Variants in CD109 observed in about 807,000 individuals in gnomAD.
CD109 encodes CD109 molecule.
In CD109, 149 loss-of-function variants were observed where a neutral mutation model predicts 165.8. The ratio of observed to expected loss-of-function variants is 0.90; its 90% CI spans 0.79 to 1.03. The LOEUF (loss-of-function observed/expected upper bound fraction) is 1.03, where lower values mean the gene tolerates loss of function less well. Ranked by LOEUF, CD109 falls within the 50% of genes least tolerant of loss-of-function variation. The pLI, the probability that CD109 is intolerant of heterozygous loss-of-function variation, is 0.00. For missense variants in CD109, 1,712 were observed against 1,677.8 expected, an observed-to-expected ratio of 1.02 and a Z score of -0.36; for synonymous variants, 585 against 592.1, an observed-to-expected ratio of 0.99 and a Z score of 0.18.
At chr6:73,773,238 T>A (rs1311663853) in intron 15 of CD109, among the ~76,000 whole-genome samples, 1 of 150,792 alleles carries the variant, frequency 6.6e-6, no homozygotes, top group African/African-American at 2.4e-5. Context: ...AATATATGCA[T>A]ATTTACATTA....
At chr6:73,700,040 T>C (rs1367938931) in intron 2 of CD109, among the ~76,000 whole-genome samples, 1 of 152,184 alleles carries the variant, frequency 6.6e-6, no homozygotes, top group Non-Finnish European at 1.5e-5. Context: ...GATTCATGTT[T>C]TGTTTTTTCT....
intron 18 of CD109, 50 bp downstream of exon 18, chr6:73,782,805 T>C: frequency 6.3e-7 from 1 of 1,579,050 alleles, no homozygotes; most frequent in South Asian, 1.1e-5. Flanking sequence ...TTAGTGTTTG[T>C]TTTAAATAAG....
intron 3 of CD109, among the ~76,000 whole-genome samples, chr6:73,724,056 T>A (rs1180904758): frequency 6.6e-6 from 1 of 152,344 alleles, no homozygotes; most frequent in Non-Finnish European, 1.5e-5. Context: ...ATCAGTAATA[T>A]TGACCCTGTC....
chr6:73,822,444 G>T (rs750552842), intron 32 of CD109, among the ~76,000 whole-genome samples: 2 of 152,184 alleles, frequency 1.3e-5, no homozygotes, highest in Non-Finnish European at 2.9e-5. Context: ...AGTTCCTCTT[G>T]TCTTTTGCCT....
intron 2 of CD109, among the ~76,000 whole-genome samples, chr6:73,709,353 G>C (rs1454662996): frequency 1.3e-5 from 2 of 152,124 alleles, no homozygotes; most frequent in African/African-American, 2.4e-5. Context: ...GTGTTCCATT[G>C]GTCTATATCT....
At chr6:73,710,903 A>C (rs77113243) in intron 2 of CD109, among the ~76,000 whole-genome samples, 8,412 of 152,320 alleles carry the variant, frequency 0.055, 257 homozygotes, top group Middle Eastern at 0.11. Flanking sequence ...TTCATAAACA[A>C]AAGAGCATGG....
At chr6:73,690,437 T>C in the CD109 span, among the ~76,000 whole-genome samples, 1 of 152,240 alleles carries the variant, frequency 6.6e-6, no homozygotes, top group Non-Finnish European at 1.5e-5. Flanking sequence ...GTTTCGCTCT[T>C]GTTGTCCAGG....
chr6:73,781,006 CGT>C (rs1401732639), intron 16 of CD109, among the ~76,000 whole-genome samples: 12 of 112,720 alleles, frequency 1.1e-4, no homozygotes, highest in Non-Finnish European at 1.8e-4. Flanking sequence ...TATGTGTATG[CGT>C]GTGTGTGTGT....
chr6:73,738,340 A>G (rs1395397122), intron 5 of CD109, among the ~76,000 whole-genome samples: 1 of 152,160 alleles, frequency 6.6e-6, no homozygotes, highest in African/African-American at 2.4e-5. Flanking sequence ...AGAATCTTTA[A>G]AGCAAGCCTC....
intron 30 of CD109, among the ~76,000 whole-genome samples, chr6:73,816,520 G>A (rs1324073077): frequency 1.3e-5 from 2 of 152,162 alleles, no homozygotes; most frequent in African/African-American, 4.8e-5. Flanking sequence ...AAAGTGCTGG[G>A]CTTACAGGCA....
chr6:73,803,149 G>A (rs1775432110), intron 23 of CD109, 71 bp from the exon 24 acceptor site: 1 of 1,017,584 alleles, frequency 9.8e-7, no homozygotes. Context: ...TCAATATGAA[G>A]TCATAATTAG....
chr6:73,687,587 G>T, the CD109 span, among the ~76,000 whole-genome samples: 3 of 151,648 alleles, frequency 2.0e-5, no homozygotes, highest in African/African-American at 7.3e-5. Context: ...TTTGCTAACT[G>T]TCTGTGGTAG....
chr6:73,778,065 T>C (rs1297238843), intron 15 of CD109, among the ~76,000 whole-genome samples: 1 of 152,234 alleles, frequency 6.6e-6, no homozygotes, highest in East Asian at 1.9e-4. Flanking sequence ...CCCATTGGTT[T>C]GTTCATCTAT....
chr6:73,749,308 G>A (rs1463852840), intron 5 of CD109, among the ~76,000 whole-genome samples: 3 of 152,176 alleles, frequency 2.0e-5, no homozygotes, highest in Non-Finnish European at 4.4e-5. Flanking sequence ...TGTAAAATAA[G>A]GGGTTTGGAT....
At chr6:73,725,578 G>A (rs1190094384) in intron 3 of CD109, among the ~76,000 whole-genome samples, 2 of 142,940 alleles carry the variant, frequency 1.4e-5, no homozygotes, top group Non-Finnish European at 3.0e-5. Context: ...GCGCGATCTC[G>A]GCTCACTGCA....
At chr6:73,816,340 TA>T (rs1775936250) in intron 30 of CD109, among the ~76,000 whole-genome samples, 1 of 152,218 alleles carries the variant, frequency 6.6e-6, no homozygotes, top group Admixed American at 6.5e-5. Flanking sequence ...ACTATTATTA[TA>T]AACAATAACA....
intron 19 of CD109, among the ~76,000 whole-genome samples, chr6:73,784,397 T>C (rs994370218): frequency 6.6e-6 from 1 of 151,860 alleles, no homozygotes; most frequent in Non-Finnish European, 1.5e-5. Context: ...TATATAGAAA[T>C]TGGAATTAGA....
At chr6:73,705,957 A>G (rs944903565) in intron 2 of CD109, among the ~76,000 whole-genome samples, 3 of 152,174 alleles carry the variant, frequency 2.0e-5, no homozygotes, top group Admixed American at 2.0e-4. Flanking sequence ...GGCACATTAG[A>G]AAGGTGAAAG....
Position 73,730,517 on chromosome 6 carries a change from T to A in CD109, c.450T>A (p.Ile150=), listed in dbSNP as rs187899427. The change falls in exon 4 of 33, where the codon ATT becomes ATA. Residue 150 remains isoleucine, a synonymous_variant. Transcript: ENST00000287097. ...YKPKQEVKFR[I]VTLFSDFKPY... ...CAAAGCAAGAAGTGAAGTTTCGCAT[T>A]GTTACACTCTTCTCAGATTTTAAGC... 6.2e-7 allele frequency: 1 copy of A among 1,614,184 alleles called. No homozygotes were observed. The highest frequency in any genetic ancestry group is 1.3e-5 in the African/African-American group (1 of 75,070).
Sources: gnomAD v4.1 joint callset for allele counts (sites outside exome capture counted in the v4.1 genomes callset) on GRCh38, gnomAD v4.1.1 for gene constraint, MANE v1.5 for transcripts, NCBI Gene and HGNC (gene_info 2026-07-23, HGNC 2026-07-21) for gene names.